HPSE2: variants seen among roughly 807,000 people sequenced by gnomAD.
HPSE2 encodes inactive heparanase-2.
A neutral mutation model predicts 60.5 loss-of-function variants in HPSE2; 38 were observed. That is an observed-to-expected ratio of 0.63 (90% confidence interval 0.48 to 0.82). HPSE2 has a LOEUF of 0.82. Among genes scored for constraint, HPSE2 ranks in the 40% least tolerant of loss-of-function variants. The pLI is 0.00. For missense variants in HPSE2, 713 were observed against 740.4 expected (o/e 0.96, Z 0.43); for synonymous variants, 295 against 293.2 (o/e 1.01, Z -0.06).
intron 3 of HPSE2, among the ~76,000 whole-genome samples, chr10:98,919,416 CA>C (rs1954218371): frequency 6.6e-6 from 1 of 152,032 alleles, no homozygotes; most frequent in Non-Finnish European, 1.5e-5. Context: ...TGAAGGCCTC[CA>C]AAAATGTCAG....
In HPSE2 at chr10:98,693,432, A is replaced by T. The variant is rs187779489; in HGVS notation, c.1004+468T>A. Among the ~76,000 whole-genome samples the T allele has an allele frequency of 1.6e-3, 250 of 152,004 alleles. 1 individual carries two copies. Among genetic ancestry groups the T allele is most frequent in the African/African-American group, 5.8e-3 (240 of 41,474 alleles). ...TGCTTCATCTTGATACTCTTTTTTT[A>T]AAAAAAAGCTGCTTCATTTTAGAGA... On this transcript the variant is annotated intron_variant, in intron 6 of 11. Coordinates refer to ENST00000370552, the MANE Select transcript of HPSE2 (RefSeq NM_021828.5).
At chr10:98,989,128 C>T (rs1320598117) in intron 3 of HPSE2, among the ~76,000 whole-genome samples, 2 of 152,182 alleles carry the variant, frequency 1.3e-5, no homozygotes, top group Middle Eastern at 3.4e-3. Context: ...CCACTTGACC[C>T]AGCCATCCCA....
At position 98,886,291 on chromosome 10, in the gene HPSE2, G is replaced by T. The variant is rs1406633719; in HGVS notation, c.611-142235C>A. Among the ~76,000 whole-genome samples, 3 of 152,128 alleles carry T rather than the reference G, an allele frequency of 2.0e-5. No homozygotes were observed. The East Asian group carries it at 5.8e-4, about 29-fold the overall frequency. On this transcript the variant is annotated intron_variant, in intron 3 of 11. Coordinates refer to ENST00000370552, the MANE Select transcript of HPSE2 (RefSeq NM_021828.5). ...GTAGCTATATTCCAGATACATCCAAGACACATAAGGTAAAAACACCTTTGC... is the reference window on the plus strand; with the variant it reads ...GTAGCTATATTCCAGATACATCCAATACACATAAGGTAAAAACACCTTTGC...
At position 99,174,914 on chromosome 10, in the gene HPSE2, C is replaced by T. The variant is rs117198152; in HGVS notation, c.449-30515G>A. Among the ~76,000 whole-genome samples the T allele has an allele frequency of 4.7e-3, 709 of 152,232 alleles. 6 individuals carry two copies. Among genetic ancestry groups the T allele is most frequent in the Non-Finnish European group, 7.5e-3 (512 of 68,004 alleles). ...TTTCTGCATTTCCAACCGAGGTATC[C>T]GGTTCATCTCACTGGGACTGGTTAG... On this transcript the variant is annotated intron_variant, in intron 2 of 11. Coordinates refer to ENST00000370552, the MANE Select transcript of HPSE2 (RefSeq NM_021828.5).
chr10:99,263,479 A>T, the HPSE2 span, among the ~76,000 whole-genome samples: 6 of 152,200 alleles, frequency 3.9e-5, no homozygotes, highest in African/African-American at 1.4e-4. Flanking sequence ...CTCTTTAATA[A>T]AAACTCTTCT....
chr10:98,617,854 T>C (rs190655705), intron 8 of HPSE2, among the ~76,000 whole-genome samples: 1 of 152,298 alleles, frequency 6.6e-6, no homozygotes, highest in East Asian at 1.9e-4. Context: ...CTCAAAGCCC[T>C]AGCTGGGAAA....
intron 3 of HPSE2, among the ~76,000 whole-genome samples, chr10:98,884,882 C>A (rs1395141698): frequency 6.6e-6 from 1 of 152,166 alleles, no homozygotes; most frequent in African/African-American, 2.4e-5. Context: ...GCTAACCCAG[C>A]ATCCATTCTG....
At chr10:98,696,281 A>G (rs11189752) in intron 5 of HPSE2, among the ~76,000 whole-genome samples, 81,201 of 139,724 alleles carry the variant, frequency 0.58, 24,145 homozygotes, top group South Asian at 0.77. Flanking sequence ...AGAGATGATC[A>G]GAGGCTCCCA....
At chr10:98,951,278 G>A (rs904976338) in intron 3 of HPSE2, among the ~76,000 whole-genome samples, 5 of 152,110 alleles carry the variant, frequency 3.3e-5, no homozygotes, top group African/African-American at 9.7e-5. Context: ...TTTTATCTTA[G>A]TTGGTACCAT....
At chr10:99,305,959 ACACGCGCGCGCG>A in the HPSE2 span, among the ~76,000 whole-genome samples, 110 of 29,692 alleles carry the variant, frequency 3.7e-3, 1 homozygote, top group East Asian at 0.037. Flanking sequence ...AAACTCACAC[ACACGCGCGCGCG>A]CGCGCGCGCA....
chr10:98,746,411 C>CT (rs1949630910), intron 3 of HPSE2, among the ~76,000 whole-genome samples: 1 of 151,800 alleles, frequency 6.6e-6, no homozygotes, highest in South Asian at 2.1e-4. Flanking sequence ...GTTTTACATG[C>CT]TTTACTATTC....
chr10:99,110,715 T>C (rs975788493), intron 3 of HPSE2, among the ~76,000 whole-genome samples: 12 of 152,134 alleles, frequency 7.9e-5, no homozygotes, highest in African/African-American at 2.7e-4. Context: ...TCTATTGAAA[T>C]TACCCAAAAA....
At chr10:99,274,579 C>T in the HPSE2 span, among the ~76,000 whole-genome samples, 1 of 151,764 alleles carries the variant, frequency 6.6e-6, no homozygotes, top group Non-Finnish European at 1.5e-5. Context: ...AGTCTGTGTC[C>T]AAATATTTAA....
chr10:99,122,322 T>A (rs1844985715), intron 3 of HPSE2, among the ~76,000 whole-genome samples: 1 of 152,038 alleles, frequency 6.6e-6, no homozygotes, highest in African/African-American at 2.4e-5. Context: ...CTATCACCAC[T>A]ATTTTTCAAT....
intron 2 of HPSE2, among the ~76,000 whole-genome samples, chr10:99,209,395 T>C (rs1386138127): frequency 6.6e-6 from 1 of 152,120 alleles, no homozygotes; most frequent in African/African-American, 2.4e-5. Flanking sequence ...AATAACCAAT[T>C]GATCAATGGA....
intron 3 of HPSE2, among the ~76,000 whole-genome samples, chr10:98,863,580 T>C (rs1370502278): frequency 6.6e-6 from 1 of 152,130 alleles, no homozygotes; most frequent in East Asian, 1.9e-4. Flanking sequence ...ACTTCTTCTG[T>C]AGCCTCCTGT....
chr10:98,517,425 G>A (rs1166083907), intron 9 of HPSE2, among the ~76,000 whole-genome samples: 2 of 152,016 alleles, frequency 1.3e-5, no homozygotes, highest in Admixed American at 6.5e-5. Flanking sequence ...GGAAAACACT[G>A]GTTCATTCCC....
chr10:99,094,540 A>ATATT (rs1843646305), intron 3 of HPSE2, among the ~76,000 whole-genome samples: 8 of 26,614 alleles, frequency 3.0e-4, no homozygotes, highest in African/African-American at 6.8e-4. Context: ...ATATATATAT[A>ATATT]TTTTTTTTTT....
chr10:99,034,098 C>T (rs1957557826), intron 3 of HPSE2, among the ~76,000 whole-genome samples: 1 of 152,062 alleles, frequency 6.6e-6, no homozygotes, highest in Admixed American at 6.6e-5. Flanking sequence ...CAATAGATGC[C>T]TGAGTAAACA....
Sources: allele counts gnomAD v4.1 joint callset (sites outside exome capture counted in the v4.1 genomes callset), GRCh38; gene constraint gnomAD v4.1.1; transcripts MANE v1.5; gene names NCBI Gene and HGNC (gene_info 2026-07-23, HGNC 2026-07-21).